Variants in PIBF1 observed in about 807,000 individuals in gnomAD.
The protein encoded by PIBF1 is progesterone-induced-blocking factor 1.
PIBF1 carries 90 observed loss-of-function variants against 112.5 expected under a neutral mutation model. The observed-to-expected ratio is 0.80, with a 90% confidence interval of 0.67 to 0.95. The LOEUF is 0.95. Among genes scored for constraint, PIBF1 ranks in the 40% least tolerant of loss-of-function variants. PIBF1 has a pLI of 0.00. For synonymous variants in PIBF1, 301 were observed against 288.6 expected, an observed-to-expected ratio of 1.04 and a Z score of -0.44; for missense variants, 915 against 852.3, an observed-to-expected ratio of 1.07 and a Z score of -0.92.
At chr13:72,916,951 A>G (rs554420618) in intron 12 of PIBF1, 125 bp from the exon 13 acceptor site, 14 of 501,220 alleles carry the variant, frequency 2.8e-5, no homozygotes, top group African/African-American at 1.8e-4. Flanking sequence ...TTAAGATTAC[A>G]TATTAGCCCT....
chr13:72,929,706 A>G (rs988616236), intron 13 of PIBF1, among the ~76,000 whole-genome samples: 18 of 152,088 alleles, frequency 1.2e-4, no homozygotes, highest in African/African-American at 4.1e-4. Context: ...AAAAATGAGG[A>G]CTGTATGCTT....
chr13:72,935,629 C>T (rs2041848385), intron 14 of PIBF1, among the ~76,000 whole-genome samples: 1 of 152,118 alleles, frequency 6.6e-6, no homozygotes, highest in Admixed American at 6.5e-5. Context: ...AACTGTTTCC[C>T]AGATGTTTGT....
intron 16 of PIBF1, among the ~76,000 whole-genome samples, chr13:72,974,410 T>A (rs951156206): frequency 3.9e-5 from 6 of 152,238 alleles, no homozygotes; most frequent in Admixed American, 2.0e-4. Flanking sequence ...GTATTTTCTG[T>A]AACTATTGTT....
chr13:72,911,386 G>T (rs147711090), intron 12 of PIBF1, among the ~76,000 whole-genome samples: 1 of 148,708 alleles, frequency 6.7e-6, no homozygotes, highest in Non-Finnish European at 1.5e-5. Context: ...GCAAACAAAT[G>T]GAGAAAGGAA....
At chr13:72,826,068 A>G (rs1002744112) in intron 6 of PIBF1, among the ~76,000 whole-genome samples, 9 of 151,652 alleles carry the variant, frequency 5.9e-5, no homozygotes, top group African/African-American at 2.2e-4. Flanking sequence ...TAAAAAAAAG[A>G]TTTTTTAAAA....
chr13:73,011,396 T>C (rs779119476), intron 17 of PIBF1, among the ~76,000 whole-genome samples: 5 of 152,046 alleles, frequency 3.3e-5, no homozygotes, highest in South Asian at 2.1e-4. Context: ...ACAGTAAATA[T>C]TGGGAGAAAA....
chr13:72,883,729 C>A (rs1272634431), intron 10 of PIBF1, among the ~76,000 whole-genome samples: 1 of 152,180 alleles, frequency 6.6e-6, no homozygotes, highest in Non-Finnish European at 1.5e-5. Flanking sequence ...CTCAAATAAT[C>A]CGCCCACCTC....
At chr13:73,009,145 A>G (rs1308455816) in intron 17 of PIBF1, among the ~76,000 whole-genome samples, 1 of 152,206 alleles carries the variant, frequency 6.6e-6, no homozygotes, top group Non-Finnish European at 1.5e-5. Context: ...TTAAGCGGGA[A>G]GCGAGAAAAA....
intron 9 of PIBF1, chr13:72,836,104 A>AG (rs1469676154): frequency 6.6e-6 from 3 of 454,588 alleles, no homozygotes; most frequent in Non-Finnish European, 1.3e-5. Flanking sequence ...ATCTCAAAAA[A>AG]AAAAAAGAAA....
At chr13:72,793,347 G>T (rs537865948) in intron 3 of PIBF1, among the ~76,000 whole-genome samples, 1 of 151,848 alleles carries the variant, frequency 6.6e-6, no homozygotes, top group East Asian at 1.9e-4. Context: ...AAAAATTATC[G>T]GACCTTTTTA....
At chr13:72,842,948 A>G (rs1346061884) in intron 9 of PIBF1, among the ~76,000 whole-genome samples, 5 of 152,206 alleles carry the variant, frequency 3.3e-5, no homozygotes, top group African/African-American at 4.8e-5. Flanking sequence ...CATTAATAAT[A>G]CTTAAAAATT....
intron 14 of PIBF1, among the ~76,000 whole-genome samples, chr13:72,934,337 C>T (rs1052884999): frequency 1.3e-5 from 2 of 152,092 alleles, no homozygotes; most frequent in African/African-American, 4.8e-5. Context: ...CTCGCTCTCT[C>T]GCCCAGGCTA....
chr13:72,796,649 GTTT>G (rs35878064), intron 4 of PIBF1, among the ~76,000 whole-genome samples: 1 of 138,998 alleles, frequency 7.2e-6, no homozygotes, highest in African/African-American at 2.6e-5. Flanking sequence ...TTGTTCAGCT[GTTT>G]TTTTTTTTTT....
intron 9 of PIBF1, among the ~76,000 whole-genome samples, chr13:72,851,481 C>T (rs189365332): frequency 5.4e-4 from 82 of 152,318 alleles, no homozygotes; most frequent in Admixed American, 9.8e-4. Context: ...CTGACAAGCA[C>T]GGAAGGGAGG....
intron 5 of PIBF1, among the ~76,000 whole-genome samples, chr13:72,812,405 G>A: frequency 6.6e-6 from 1 of 151,892 alleles, no homozygotes; most frequent in Non-Finnish European, 1.5e-5. Flanking sequence ...ATTTTGTCAT[G>A]GCATTAGCAC....
At chr13:72,892,917 T>A (rs2040116654) in intron 10 of PIBF1, among the ~76,000 whole-genome samples, 1 of 152,108 alleles carries the variant, frequency 6.6e-6, no homozygotes, top group Non-Finnish European at 1.5e-5. Context: ...TGAATTTTCG[T>A]GTTTATTTGC....
intron 9 of PIBF1, among the ~76,000 whole-genome samples, chr13:72,853,687 A>T (rs1191966620): frequency 6.6e-6 from 1 of 152,202 alleles, no homozygotes; most frequent in African/African-American, 2.4e-5. Flanking sequence ...TCTTTCACTT[A>T]AAATATTTTA....
intron 5 of PIBF1, among the ~76,000 whole-genome samples, chr13:72,804,864 TA>T (rs1490890695): frequency 6.6e-6 from 1 of 152,156 alleles, no homozygotes; most frequent in African/African-American, 2.4e-5. Context: ...ATTTGACAAA[TA>T]AAAGGAAGTG....
chr13:73,009,255 C>T (rs1257907234), intron 17 of PIBF1, among the ~76,000 whole-genome samples: 1 of 152,184 alleles, frequency 6.6e-6, no homozygotes, highest in Non-Finnish European at 1.5e-5. Context: ...CGTGTGGCCA[C>T]ACCTAGCAGC....
Sources: allele counts gnomAD v4.1 joint callset (sites outside exome capture counted in the v4.1 genomes callset), GRCh38; gene constraint gnomAD v4.1.1; transcripts MANE v1.5; gene names NCBI Gene and HGNC (gene_info 2026-07-23, HGNC 2026-07-21).